Variants in GPC5 observed in about 807,000 individuals in gnomAD.
The protein encoded by GPC5 is glypican-5.
Under a neutral mutation model 53.9 loss-of-function variants are expected in GPC5, and 47 were observed. The observed-to-expected ratio is 0.87, with a 90% CI of 0.69 to 1.11. The LOEUF (loss-of-function observed/expected upper bound fraction) is 1.11. Among genes scored for constraint, GPC5 ranks in the 50% most tolerant of loss-of-function variants. The probability of loss-of-function intolerance (pLI) is 0.00; values close to 1 mark genes in which losing one functional copy is unlikely to be tolerated. For synonymous variants in GPC5, 286 were observed against 263.3 expected (o/e 1.09, Z -0.84); for missense variants, 748 against 713.1 (o/e 1.05, Z -0.56).
Position 91,715,087 on chromosome 13 carries a change from A to AT in GPC5, c.1021-13442dup, listed in dbSNP as rs1239672135. Among the ~76,000 whole-genome samples, 5 of 152,298 alleles carry AT rather than the reference A, an allele frequency of 3.3e-5. No homozygotes were observed. In the East Asian group the frequency reaches 9.7e-4, roughly 29 times the overall value. On this transcript the variant is annotated intron_variant, in intron 3 of 7. Transcript: ENST00000377067. ...AGAAATTTCTAGGAAAAGGGTAGCCATTTCTGGGTCATCTGGTCATGGCTG... is the reference window on the plus strand; with the variant it reads ...AGAAATTTCTAGGAAAAGGGTAGCCATTTTCTGGGTCATCTGGTCATGGCTG...
intron 5 of GPC5, among the ~76,000 whole-genome samples, chr13:91,803,553 A>G (rs1170098085): frequency 6.6e-6 from 1 of 152,160 alleles, no homozygotes. Flanking sequence ...GCTCTCCACA[A>G]TACTGGCTGT....
At chr13:91,585,232 A>G (rs1363567267) in intron 2 of GPC5, among the ~76,000 whole-genome samples, 1 of 152,212 alleles carries the variant, frequency 6.6e-6, no homozygotes, top group Non-Finnish European at 1.5e-5. Flanking sequence ...ATCATTTTGG[A>G]GACAGTTCAC....
intron 5 of GPC5, among the ~76,000 whole-genome samples, chr13:91,895,119 C>T (rs1032690713): frequency 1.3e-5 from 2 of 151,346 alleles, no homozygotes; most frequent in Non-Finnish European, 2.9e-5. Flanking sequence ...CTCAGCAGGG[C>T]AGGAAAGGCG....
intron 7 of GPC5, among the ~76,000 whole-genome samples, chr13:92,670,736 T>A (rs1886718447): frequency 6.6e-6 from 1 of 152,196 alleles, no homozygotes; most frequent in South Asian, 2.1e-4. Context: ...TCTCCAAGTG[T>A]CCAGTCCTAT....
chr13:91,436,515 C>A (rs1285349097), intron 1 of GPC5, among the ~76,000 whole-genome samples: 1 of 152,122 alleles, frequency 6.6e-6, no homozygotes, highest in Non-Finnish European at 1.5e-5. Context: ...GTTTCTTAAT[C>A]CTGAGTTCTA....
intron 6 of GPC5, among the ~76,000 whole-genome samples, chr13:92,095,425 G>A (rs2041414204): frequency 6.6e-6 from 1 of 152,100 alleles, no homozygotes; most frequent in Non-Finnish European, 1.5e-5. Context: ...TTGGCTCACT[G>A]CAACCTCCGC....
At chr13:92,306,887 C>A (rs556788698) in intron 7 of GPC5, among the ~76,000 whole-genome samples, 3 of 152,292 alleles carry the variant, frequency 2.0e-5, no homozygotes, top group African/African-American at 7.2e-5. Flanking sequence ...CCAGGCTACC[C>A]AGGTGAGGAA....
intron 6 of GPC5, among the ~76,000 whole-genome samples, chr13:92,028,821 C>T (rs1454176017): frequency 6.6e-6 from 1 of 152,018 alleles, no homozygotes; most frequent in Non-Finnish European, 1.5e-5. Flanking sequence ...AGCAAGTCTC[C>T]CTAGTGAGAG....
chr13:92,205,624 C>G (rs971435512), intron 7 of GPC5, among the ~76,000 whole-genome samples: 2 of 152,190 alleles, frequency 1.3e-5, no homozygotes, highest in Admixed American at 6.5e-5. Flanking sequence ...GCCTTTCTTA[C>G]AGCAAAACAT....
chr13:91,552,932 T>G (rs2030731880), intron 2 of GPC5, among the ~76,000 whole-genome samples: 1 of 152,146 alleles, frequency 6.6e-6, no homozygotes, highest in Non-Finnish European at 1.5e-5. Context: ...TTTTACCATC[T>G]CCAAAACCAG....
chr13:91,872,722 A>T (rs538373870), intron 5 of GPC5, among the ~76,000 whole-genome samples: 1 of 152,196 alleles, frequency 6.6e-6, no homozygotes, highest in Non-Finnish European at 1.5e-5. Context: ...GCACATTGAA[A>T]GTGATAGAGA....
chr13:92,426,905 G>A (rs1566585615), intron 7 of GPC5, among the ~76,000 whole-genome samples: 1 of 151,808 alleles, frequency 6.6e-6, no homozygotes, highest in Non-Finnish European at 1.5e-5. Flanking sequence ...AAAACAAGAA[G>A]AAAAAGAGAG....
At chr13:92,254,790 T>C (rs1488144229) in intron 7 of GPC5, among the ~76,000 whole-genome samples, 1 of 152,040 alleles carries the variant, frequency 6.6e-6, no homozygotes, top group Non-Finnish European at 1.5e-5. Flanking sequence ...CCATCAGATC[T>C]ATGAGAACCC....
intron 7 of GPC5, among the ~76,000 whole-genome samples, chr13:92,618,155 A>G (rs1430969897): frequency 6.6e-6 from 1 of 152,160 alleles, no homozygotes; most frequent in Non-Finnish European, 1.5e-5. Flanking sequence ...TAAGTAACCT[A>G]TAAAAAATAA....
At chr13:92,202,476 G>A (rs1397473843) in intron 7 of GPC5, among the ~76,000 whole-genome samples, 1 of 152,180 alleles carries the variant, frequency 6.6e-6, no homozygotes, top group Admixed American at 6.5e-5. Context: ...TAATTCAAAA[G>A]CATGTGAAGC....
intron 7 of GPC5, among the ~76,000 whole-genome samples, chr13:92,408,649 C>T (rs1446263103): frequency 2.7e-5 from 4 of 148,084 alleles, no homozygotes; most frequent in African/African-American, 1.0e-4. Flanking sequence ...CACACACACA[C>T]ACACATATAA....
chr13:91,872,970 T>G (rs2039163642), intron 5 of GPC5, among the ~76,000 whole-genome samples: 1 of 152,178 alleles, frequency 6.6e-6, no homozygotes, highest in African/African-American at 2.4e-5. Flanking sequence ...TCAAAATATT[T>G]TATTAATCCA....
intron 5 of GPC5, among the ~76,000 whole-genome samples, chr13:91,839,082 A>C (rs2038755176): frequency 6.6e-6 from 1 of 152,198 alleles, no homozygotes; most frequent in Non-Finnish European, 1.5e-5. Context: ...CCAGTGAGCT[A>C]ATGTGTAAAT....
chr13:91,810,043 CTAT>C (rs2038285757), intron 5 of GPC5, among the ~76,000 whole-genome samples: 1 of 151,884 alleles, frequency 6.6e-6, no homozygotes, highest in Admixed American at 6.6e-5. Context: ...TTAAGTGGTT[CTAT>C]TCCAAGGGAG....
Sources: allele counts gnomAD v4.1 joint callset (sites outside exome capture counted in the v4.1 genomes callset), GRCh38; gene constraint gnomAD v4.1.1; transcripts MANE v1.5; gene names NCBI Gene and HGNC (gene_info 2026-07-23, HGNC 2026-07-21).